The following DIAPH3 variants were observed in gnomAD, a reference collection of about 807,000 sequenced individuals.
DIAPH3 encodes the protein diaphanous related formin 3, also known as protein diaphanous homolog 3.
DIAPH3 carries 117 observed loss-of-function variants against 144.3 expected under a neutral mutation model. The observed-to-expected ratio is 0.81, with a 90% CI of 0.70 to 0.95. The LOEUF (loss-of-function observed/expected upper bound fraction) is 0.95. DIAPH3 is among the 40% of genes least tolerant of loss of function. The pLI, the probability that DIAPH3 is intolerant of heterozygous loss-of-function variation, is 0.00. For synonymous variants in DIAPH3, 519 were observed against 488.9 expected (o/e 1.06, Z -0.81); for missense variants, 1,421 against 1,412.7 (o/e 1.01, Z -0.09).
intron 27 of DIAPH3, among the ~76,000 whole-genome samples, chr13:59,682,823 T>C (rs1390456489): frequency 6.6e-6 from 1 of 152,178 alleles, no homozygotes; most frequent in African/African-American, 2.4e-5. Context: ...CTCATATGTT[T>C]TGTATCCTAG....
rs551529827 is a variant in DIAPH3 at position 59,852,589 on chromosome 13, T to G, written c.2737+8818A>C. Among the ~76,000 whole-genome samples the G allele has an allele frequency of 1.4e-3, 219 of 152,334 alleles. 1 individual carries two copies. Among genetic ancestry groups the G allele is most frequent in the Non-Finnish European group, 2.1e-3 (144 of 68,026 alleles). ...GAAAAATAGAACTCATTTTCCAAAT[T>G]CCATTCCCTATGTTAGTATGTCCAA... On this transcript the variant is annotated intron_variant, in intron 22 of 27. Transcript: ENST00000400324.
intron 5 of DIAPH3, among the ~76,000 whole-genome samples, chr13:60,020,723 T>C (rs2053959293): frequency 6.6e-6 from 1 of 152,148 alleles, no homozygotes; most frequent in Non-Finnish European, 1.5e-5. Flanking sequence ...GTATGAGAAA[T>C]ACAAAACTGA....
chr13:59,739,072 C>T (rs780820242), intron 27 of DIAPH3, among the ~76,000 whole-genome samples: 1 of 152,178 alleles, frequency 6.6e-6, no homozygotes, highest in Non-Finnish European at 1.5e-5. Flanking sequence ...GGCCTCCCAT[C>T]TCTCCTGATC....
intron 19 of DIAPH3, among the ~76,000 whole-genome samples, chr13:59,914,525 T>C (rs751162194): frequency 6.6e-6 from 1 of 152,176 alleles, no homozygotes; most frequent in Non-Finnish European, 1.5e-5. Context: ...ATTTAGGTTA[T>C]AGATGGAATT....
intron 27 of DIAPH3, among the ~76,000 whole-genome samples, chr13:59,680,614 G>GCC (rs1400761664): frequency 6.6e-6 from 1 of 150,690 alleles, no homozygotes; most frequent in African/African-American, 2.4e-5. Flanking sequence ...ATAAGCTATA[G>GCC]CCACTAGAGG....
intron 4 of DIAPH3, among the ~76,000 whole-genome samples, chr13:60,075,708 C>T (rs1390185624): frequency 6.6e-6 from 1 of 152,110 alleles, no homozygotes; most frequent in Non-Finnish European, 1.5e-5. Flanking sequence ...CACCATTTTC[C>T]CACCTTGTAC....
At position 59,666,393 on chromosome 13, in the gene DIAPH3, T is replaced by G; in HGVS notation, c.*191A>C. ...AAAAAAGGATTAAAGCCCGGTACAA[T>G]CTTGAATAAACCAAAACCTCCAGTA... On this transcript the variant is annotated 3_prime_UTR_variant, in exon 28 of 28. Coordinates refer to ENST00000400324, the MANE Select transcript of DIAPH3 (RefSeq NM_001042517.2). 2 of 560,734 alleles carry G rather than the reference T, an allele frequency of 3.6e-6. No individual in the cohort carries two copies. Among genetic ancestry groups the G allele is most frequent in the Admixed American group, 3.6e-5 (1 of 27,748 alleles). The allele number at this position is 560,734 out of a possible 1,614,324, so 34.7% of individuals were successfully genotyped here.
chr13:59,810,168 T>A (rs2040398391), intron 25 of DIAPH3, among the ~76,000 whole-genome samples: 2 of 152,166 alleles, frequency 1.3e-5, no homozygotes, highest in Non-Finnish European at 2.9e-5. Flanking sequence ...TTTCTTTTTG[T>A]TGTTTTTTTG....
intron 25 of DIAPH3, among the ~76,000 whole-genome samples, chr13:59,799,322 G>T (rs1243934865): frequency 6.7e-6 from 1 of 150,256 alleles, no homozygotes; most frequent in Non-Finnish European, 1.5e-5. Context: ...AGAGATCATG[G>T]AAGGGAATTT....
At chr13:59,947,430 C>A (rs1176945805) in intron 17 of DIAPH3, among the ~76,000 whole-genome samples, 1 of 152,066 alleles carries the variant, frequency 6.6e-6, no homozygotes, top group African/African-American at 2.4e-5. Flanking sequence ...AAACATTGAC[C>A]CTGTTACTGT....
chr13:60,097,603 G>A (rs186567085), intron 3 of DIAPH3, among the ~76,000 whole-genome samples: 19 of 152,172 alleles, frequency 1.2e-4, no homozygotes, highest in Admixed American at 7.8e-4. Flanking sequence ...ATTCCTTTAT[G>A]GCAACATAAA....
intron 27 of DIAPH3, among the ~76,000 whole-genome samples, chr13:59,714,355 G>C (rs556351970): frequency 1.4e-4 from 8 of 58,634 alleles, no homozygotes; most frequent in African/African-American, 5.0e-4. Flanking sequence ...GCGAGACTCC[G>C]TCTCAAAAAA....
intron 27 of DIAPH3, among the ~76,000 whole-genome samples, chr13:59,761,422 C>T (rs1566272835): frequency 6.6e-6 from 1 of 152,092 alleles, no homozygotes; most frequent in Non-Finnish European, 1.5e-5. Flanking sequence ...GGTACCTTTG[C>T]TCTAAAAAGT....
intron 4 of DIAPH3, among the ~76,000 whole-genome samples, chr13:60,082,599 C>T (rs539039348): frequency 3.8e-4 from 58 of 151,678 alleles, no homozygotes; most frequent in Non-Finnish European, 7.5e-4. Context: ...AGATCCTAAG[C>T]AAAAAAACGT....
At chr13:60,001,022 A>G (rs1189888140) in intron 9 of DIAPH3, among the ~76,000 whole-genome samples, 1 of 152,114 alleles carries the variant, frequency 6.6e-6, no homozygotes, top group Non-Finnish European at 1.5e-5. Flanking sequence ...GGTCTCTCAT[A>G]TTTCATTTCC....
chr13:59,797,912 A>G (rs341551), intron 25 of DIAPH3, among the ~76,000 whole-genome samples: 94,676 of 152,054 alleles, frequency 0.62, 29,885 homozygotes, highest in East Asian at 0.7. Flanking sequence ...CTATGAAAGA[A>G]GTTAATAGTT....
chr13:60,093,923 A>G (rs892742835), intron 3 of DIAPH3, among the ~76,000 whole-genome samples, 191 bp from the exon 4 acceptor site: 1 of 152,244 alleles, frequency 6.6e-6, no homozygotes, highest in African/African-American at 2.4e-5. Flanking sequence ...AGTATTCTAG[A>G]TCATTTTAAC....
intron 27 of DIAPH3, among the ~76,000 whole-genome samples, chr13:59,744,804 G>A (rs923849008): frequency 4.6e-5 from 7 of 152,098 alleles, no homozygotes; most frequent in African/African-American, 1.4e-4. Flanking sequence ...AGTGCACCTG[G>A]ACAAAGCAGA....
intron 4 of DIAPH3, among the ~76,000 whole-genome samples, chr13:60,074,489 G>A (rs1227363370): frequency 2.0e-5 from 3 of 152,134 alleles, no homozygotes; most frequent in African/African-American, 4.8e-5. Flanking sequence ...TATCCTTTGT[G>A]TGTGTGTGTC....
Sources: allele counts gnomAD v4.1 joint callset (sites outside exome capture counted in the v4.1 genomes callset), GRCh38; gene constraint gnomAD v4.1.1; transcripts MANE v1.5; gene names NCBI Gene and HGNC (gene_info 2026-07-23, HGNC 2026-07-21).